The following TRPC4AP variants were observed in gnomAD, a reference collection of about 807,000 sequenced individuals.
The protein encoded by TRPC4AP is short transient receptor potential channel 4-associated protein.
In TRPC4AP, 45 loss-of-function variants were observed where a neutral mutation model predicts 99.0. The ratio of observed to expected loss-of-function variants is 0.45; its 90% CI spans 0.36 to 0.58. The LOEUF is 0.58. Among genes scored for constraint, TRPC4AP ranks in the 20% least tolerant of loss-of-function variants. The probability of loss-of-function intolerance (pLI) is 0.00; values close to 1 mark genes in which losing one functional copy is unlikely to be tolerated. For synonymous variants in TRPC4AP, 408 were observed against 385.8 expected (o/e 1.06, Z -0.67); for missense variants, 879 against 985.3 (o/e 0.89, Z 1.44).
chr20:35,034,144 T>G, intron 8 of TRPC4AP, among the ~76,000 whole-genome samples: 1 of 111,972 alleles, frequency 8.9e-6, no homozygotes, highest in Non-Finnish European at 1.8e-5. Context: ...AGAGCGAGAC[T>G]CCGTCTCAAA....
rs1425859985 is a variant in TRPC4AP, at chr20:35,003,042, C to G, written c.*104G>C. ...CAAGCCTGTACCCAAAGACCTGGGG[C>G]AGGCAGAGAGCAGCAGGGAGGAACG... On this transcript the variant is annotated 3_prime_UTR_variant, in exon 19 of 19. Transcript: ENST00000252015. 7 of 1,501,000 alleles carry G rather than the reference C, an allele frequency of 4.7e-6. No homozygotes were observed. Among genetic ancestry groups the G allele is most frequent in the Middle Eastern group, 4.7e-4 (2 of 4,218 alleles). The allele number at this position is 1,501,000 out of a possible 1,614,324, so 93.0% of individuals were successfully genotyped here.
intron 9 of TRPC4AP, among the ~76,000 whole-genome samples, chr20:35,018,366 C>T (rs913619455): frequency 6.6e-6 from 1 of 152,086 alleles, no homozygotes; most frequent in Non-Finnish European, 1.5e-5. Flanking sequence ...GAGGCCAAGG[C>T]GGGCGGATCA....
At chr20:35,063,772 G>A (rs2084068951) in intron 3 of TRPC4AP, among the ~76,000 whole-genome samples, 1 of 152,086 alleles carries the variant, frequency 6.6e-6, no homozygotes. Context: ...GAGGCAGGAG[G>A]ATCACTAGAG....
intron 10 of TRPC4AP, among the ~76,000 whole-genome samples, chr20:35,014,980 T>C (rs914452208): frequency 6.6e-6 from 1 of 152,186 alleles, no homozygotes; most frequent in African/African-American, 2.4e-5. Context: ...AGGAGAGTGC[T>C]TGGGCTCAAA....
At chr20:35,089,126 C>T (rs901941822) in intron 1 of TRPC4AP, among the ~76,000 whole-genome samples, 6 of 151,928 alleles carry the variant, frequency 3.9e-5, no homozygotes, top group African/African-American at 1.5e-4. Flanking sequence ...ACCTCAGCTT[C>T]CCAAAGTGTT....
At chr20:35,064,409 AC>A (rs1191254975) in intron 3 of TRPC4AP, among the ~76,000 whole-genome samples, 1 of 152,242 alleles carries the variant, frequency 6.6e-6, no homozygotes, top group African/African-American at 2.4e-5. Flanking sequence ...CTCATCTCAA[AC>A]CAGCAACAAA....
In TRPC4AP at chr20:35,007,751, C is replaced by T. The variant is rs1600499399; in HGVS notation, c.1596-111G>A. The T allele has an allele frequency of 9.3e-6, 10 of 1,075,244 alleles. No individual in the cohort carries two copies. In the East Asian group the frequency reaches 2.2e-4, roughly 23 times the overall value. The allele number at this position is 1,075,244 out of a possible 1,614,324, so 66.6% of individuals were successfully genotyped here. ...TGCCTTTTCATGTACTCAACATTTA[C>T]TGAACATCTACCAAGCATCAGGCTT... On this transcript the variant is annotated intron_variant, in intron 13 of 18. Coordinates refer to ENST00000252015, the MANE Select transcript of TRPC4AP (RefSeq NM_015638.3).
At position 35,003,472 on chromosome 20, in the gene TRPC4AP, G is replaced by C. The variant is rs1190089682; in HGVS notation, c.2194C>G (p.Leu732Val). Residue 732 changes from leucine (L) to valine (V), a missense_variant, in exon 18 of 19, where the codon CTG becomes GTG. Transcript: ENST00000252015. The part of the protein sequence containing the change: ...PGFLLNNFHN[L>V]LRFWQQHYLH... ...TAGTGCTGCTGCCAGAAGCGCAGCA[G>C]GTTGTGGAAGTTGTTGAGCAGGAAG... 1.2e-6 allele frequency: 2 copies of C among 1,614,142 alleles called. No individual in the cohort carries two copies. Among genetic ancestry groups the C allele is most frequent in the Admixed American group, 1.7e-5 (1 of 60,032 alleles).
At chr20:35,087,985 T>C (rs1200156249) in intron 1 of TRPC4AP, among the ~76,000 whole-genome samples, 1 of 152,178 alleles carries the variant, frequency 6.6e-6, no homozygotes, top group African/African-American at 2.4e-5. Flanking sequence ...AGATGCCCAT[T>C]AGACATCAAA....
At chr20:35,089,272 G>C (rs1331127851) in intron 1 of TRPC4AP, among the ~76,000 whole-genome samples, 2 of 151,980 alleles carry the variant, frequency 1.3e-5, no homozygotes, top group Non-Finnish European at 1.5e-5. Context: ...TGTTGCCCAG[G>C]CTGCAGTGTA....
intron 9 of TRPC4AP, 75 bp from the exon 10 acceptor site, chr20:35,016,214 A>ATATTGATATT (rs2082750951): frequency 6.4e-7 from 1 of 1,552,882 alleles, no homozygotes; most frequent in African/African-American, 1.4e-5. Flanking sequence ...TGCTCAGTAC[A>ATATTGATATT]CACGATAATG....
intron 2 of TRPC4AP, among the ~76,000 whole-genome samples, chr20:35,076,126 T>C (rs967071492): frequency 2.0e-5 from 3 of 152,318 alleles, no homozygotes; most frequent in African/African-American, 7.2e-5. Flanking sequence ...TTTAAGGTCT[T>C]TTCTATGCTG....
chr20:35,030,432 T>C (rs1410152891), intron 8 of TRPC4AP: 2 of 152,196 alleles, frequency 1.3e-5, no homozygotes, highest in African/African-American at 4.8e-5. Flanking sequence ...TTCGGATTTA[T>C]TCTAACTTAG....
At chr20:35,080,686 A>G (rs1386877279) in intron 1 of TRPC4AP, among the ~76,000 whole-genome samples, 1 of 152,130 alleles carries the variant, frequency 6.6e-6, no homozygotes, top group Non-Finnish European at 1.5e-5. Context: ...GAAACTGGGG[A>G]GTAACTGCTA....
In TRPC4AP at chr20:35,005,722, G is replaced by A. The variant is rs1240259387; in HGVS notation, c.1909C>T (p.Arg637Ter). The A allele has an allele frequency of 2.5e-6, 4 of 1,613,994 alleles. No individual in the cohort carries two copies. Among genetic ancestry groups the A allele is most frequent in the East Asian group, 2.2e-5 (1 of 44,898 alleles). ...LVRCVTLSLD[R>*]FENQVDMKVA... ...TTCATATCCACCTGGTTTTCAAATC[G>A]GTCCAGGGACAGAGTGACACAGCGC... Residue 637 changes from arginine (R) to a stop codon, truncating the protein, a stop_gained, in exon 16 of 19, where the codon CGA becomes TGA. Transcript: ENST00000252015. LOFTEE classifies it high-confidence loss of function.
At chr20:35,084,849 T>C (rs2084793471) in intron 1 of TRPC4AP, among the ~76,000 whole-genome samples, 1 of 151,884 alleles carries the variant, frequency 6.6e-6, no homozygotes, top group African/African-American at 2.4e-5. Context: ...ACAAAAAAAT[T>C]ATATAAAACA....
In TRPC4AP at chr20:35,049,803, T is replaced by C. The variant is rs2281626; in HGVS notation, c.657+63A>G. 62 of 1,536,406 alleles carry C rather than the reference T, an allele frequency of 4.0e-5. No homozygotes were observed. In the East Asian group the frequency reaches 1.4e-3, roughly 35 times the overall value. On this transcript the variant is annotated intron_variant, in intron 6 of 18. Coordinates refer to ENST00000252015, the MANE Select transcript of TRPC4AP (RefSeq NM_015638.3). ...TAAAAAAGCTCTGTATATTATTCAG[T>C]TTTGAGAATCCAATGGTCTGAGACA...
At chr20:35,063,107 C>T (rs1055462561) in intron 3 of TRPC4AP, among the ~76,000 whole-genome samples, 3 of 152,226 alleles carry the variant, frequency 2.0e-5, no homozygotes, top group Non-Finnish European at 2.9e-5. Context: ...CTCGTGATAA[C>T]GAGGGAGTCT....
chr20:35,062,826 A>C (rs1444331721), intron 3 of TRPC4AP, among the ~76,000 whole-genome samples: 3 of 152,264 alleles, frequency 2.0e-5, no homozygotes, highest in Non-Finnish European at 4.4e-5. Flanking sequence ...CTTTTAATAT[A>C]TCTTTTAAAT....
Sources: gnomAD v4.1 joint callset for allele counts (sites outside exome capture counted in the v4.1 genomes callset) on GRCh38, gnomAD v4.1.1 for gene constraint, MANE v1.5 for transcripts, NCBI Gene and HGNC (gene_info 2026-07-23, HGNC 2026-07-21) for gene names.